SLC4A4: variants seen among roughly 807,000 people sequenced by gnomAD.
The protein encoded by SLC4A4 is solute carrier family 4 member 4, also known as electrogenic sodium bicarbonate cotransporter 1.
In SLC4A4, 27 loss-of-function variants were observed where a neutral mutation model predicts 111.5. The observed-to-expected ratio is 0.24, with a 90% CI of 0.18 to 0.33. SLC4A4 has a LOEUF of 0.33. Ranked by LOEUF, SLC4A4 falls within the 10% of genes least tolerant of loss-of-function variation. SLC4A4 has a pLI of 1.00. For missense variants in SLC4A4, 909 were observed against 1,315.5 expected, an observed-to-expected ratio of 0.69 and a Z score of 4.78; for synonymous variants, 443 against 463.4, an observed-to-expected ratio of 0.96 and a Z score of 0.57.
At chr4:71,088,476 G>C (rs573610616) in intron 1 of SLC4A4, among the ~76,000 whole-genome samples, 2 of 152,056 alleles carry the variant, frequency 1.3e-5, no homozygotes, top group Admixed American at 1.3e-4. Flanking sequence ...TTGCTCGTTA[G>C]TTGATGCAGT....
intron 4 of SLC4A4, 85 bp downstream of exon 4, chr4:71,339,590 G>A: frequency 7.4e-7 from 1 of 1,360,026 alleles, no homozygotes. Context: ...CCGTTCTTTA[G>A]CCTTAGCACT....
intron 1 of SLC4A4, among the ~76,000 whole-genome samples, chr4:71,222,180 C>T (rs1489077778): frequency 6.6e-6 from 1 of 152,164 alleles, no homozygotes; most frequent in East Asian, 1.9e-4. Context: ...TTTACCTTCA[C>T]CTCTCTGATT....
Position 71,124,260 on chromosome 4 carries a change from C to T in SLC4A4, c.-2+31468C>T, listed in dbSNP as rs566737197. The stretch of plus-strand genomic sequence containing the variant: ...CGATCTCAGCTCACTGCAACCTTTG[C>T]CTCCTGGTTCAAGCGATTCTCCTGC... On this transcript the variant is annotated intron_variant, in intron 2 of 26. Coordinates refer to the SLC4A4 transcript ENST00000649996. Among the ~76,000 whole-genome samples, 10 of 151,590 alleles carry T rather than the reference C, an allele frequency of 6.6e-5. No homozygotes were observed. The South Asian group carries it at 1.3e-3, about 19-fold the overall frequency.
At chr4:71,460,586 A>G (rs977941925) in intron 12 of SLC4A4, among the ~76,000 whole-genome samples, 1 of 152,118 alleles carries the variant, frequency 6.6e-6, no homozygotes, top group Non-Finnish European at 1.5e-5. Context: ...GGGTGGCAAT[A>G]AGGATTTGGC....
At chr4:71,300,371 C>G in intron 3 of SLC4A4, 1 of 229,058 alleles carries the variant, frequency 4.4e-6, no homozygotes, top group South Asian at 7.9e-5. Flanking sequence ...CGGCATTGAC[C>G]ACCAGTGAGC....
At chr4:71,119,685 G>T (rs1743364369) in intron 2 of SLC4A4, among the ~76,000 whole-genome samples, 1 of 152,288 alleles carries the variant, frequency 6.6e-6, no homozygotes, top group East Asian at 1.9e-4. Flanking sequence ...AATCTGGCTT[G>T]AAATCTTTCA....
chr4:71,447,423 A>G (rs918217354), intron 8 of SLC4A4, among the ~76,000 whole-genome samples: 2 of 152,214 alleles, frequency 1.3e-5, no homozygotes, highest in Non-Finnish European at 2.9e-5. Context: ...TCAGGTTTCT[A>G]TGCTATATTC....
At chr4:71,420,095 T>A (rs1043655980) in intron 7 of SLC4A4, among the ~76,000 whole-genome samples, 1 of 152,098 alleles carries the variant, frequency 6.6e-6, no homozygotes, top group African/African-American at 2.4e-5. Context: ...TGAAACAAAT[T>A]TAGACGAATG....
chr4:71,380,412 G>A (rs1718009719), intron 6 of SLC4A4, among the ~76,000 whole-genome samples: 1 of 152,180 alleles, frequency 6.6e-6, no homozygotes, highest in African/African-American at 2.4e-5. Flanking sequence ...TTCCAGGTCT[G>A]TCTCTTTCTG....
At chr4:71,444,478 A>G (rs996122050) in intron 8 of SLC4A4, among the ~76,000 whole-genome samples, 6 of 152,054 alleles carry the variant, frequency 3.9e-5, no homozygotes, top group African/African-American at 1.2e-4. Context: ...TTTTTTTCCA[A>G]GCTGTCAAAG....
chr4:71,513,827 G>A (rs1487713358), intron 16 of SLC4A4, among the ~76,000 whole-genome samples: 1 of 152,072 alleles, frequency 6.6e-6, no homozygotes, highest in African/African-American at 2.4e-5. Flanking sequence ...TTTATTGAGA[G>A]TTTTTATCAT....
intron 14 of SLC4A4, among the ~76,000 whole-genome samples, chr4:71,475,477 A>G (rs745941581): frequency 6.6e-6 from 1 of 151,896 alleles, no homozygotes; most frequent in African/African-American, 2.4e-5. Context: ...AAGTGCTGAC[A>G]TAAGTGGTGA....
chr4:71,454,926 C>T (rs182065688), intron 12 of SLC4A4, among the ~76,000 whole-genome samples: 4 of 152,218 alleles, frequency 2.6e-5, no homozygotes, highest in Middle Eastern at 3.4e-3. Context: ...AGCTTCTTTA[C>T]TCATGTGTTG....
intron 1 of SLC4A4, among the ~76,000 whole-genome samples, chr4:71,193,418 C>G (rs969150393): frequency 2.6e-5 from 4 of 152,216 alleles, no homozygotes; most frequent in Admixed American, 2.6e-4. Context: ...CTTGGCCTCC[C>G]AAAGTGCTGA....
At chr4:71,090,642 C>G (rs1027115981) in intron 1 of SLC4A4, among the ~76,000 whole-genome samples, 2 of 152,202 alleles carry the variant, frequency 1.3e-5, no homozygotes, top group Admixed American at 1.3e-4. Flanking sequence ...TATTACTGCT[C>G]TTTGTAGGCA....
intron 18 of SLC4A4, among the ~76,000 whole-genome samples, chr4:71,535,416 G>T (rs991208226): frequency 2.0e-5 from 3 of 152,144 alleles, no homozygotes; most frequent in Non-Finnish European, 4.4e-5. Flanking sequence ...GGTAAGAAAG[G>T]AGTAAATCCC....
intron 1 of SLC4A4, among the ~76,000 whole-genome samples, chr4:71,204,823 A>G (rs1560778219): frequency 6.6e-6 from 1 of 152,232 alleles, no homozygotes; most frequent in Non-Finnish European, 1.5e-5. Flanking sequence ...AACAGTGTAT[A>G]GTTGCACTGT....
At chr4:71,292,170 T>C (rs1185212643) in intron 3 of SLC4A4, among the ~76,000 whole-genome samples, 1 of 152,228 alleles carries the variant, frequency 6.6e-6, no homozygotes, top group Non-Finnish European at 1.5e-5. Flanking sequence ...GAATCTATAA[T>C]ACGGTCTAAC....
chr4:71,474,569 GA>G (rs1728183551), intron 14 of SLC4A4, among the ~76,000 whole-genome samples: 1 of 151,750 alleles, frequency 6.6e-6, no homozygotes, highest in South Asian at 2.1e-4. Flanking sequence ...CTTGAATTGA[GA>G]AAAAAGAGAA....
Sources: gnomAD v4.1 joint callset for allele counts (sites outside exome capture counted in the v4.1 genomes callset) on GRCh38, gnomAD v4.1.1 for gene constraint, MANE v1.5 for transcripts, NCBI Gene and HGNC (gene_info 2026-07-23, HGNC 2026-07-21) for gene names.